HNRNPLL: variants seen among roughly 807,000 people sequenced by gnomAD.
HNRNPLL encodes heterogeneous nuclear ribonucleoprotein L like, also known as heterogeneous nuclear ribonucleoprotein L-like.
HNRNPLL carries 25 observed loss-of-function variants against 67.1 expected under a neutral mutation model. The ratio of observed to expected loss-of-function variants is 0.37; its 90% confidence interval spans 0.27 to 0.52. HNRNPLL has a LOEUF of 0.52. Ranked by LOEUF, HNRNPLL falls within the 20% of genes least tolerant of loss-of-function variation. The pLI, the probability that HNRNPLL is intolerant of heterozygous loss-of-function variation, is 0.90. For synonymous variants in HNRNPLL, 267 were observed against 241.7 expected (o/e 1.10, Z -0.97); for missense variants, 542 against 673.9 (o/e 0.80, Z 2.17).
chr2:38,567,269 A>G (rs1385528808), intron 12 of HNRNPLL, among the ~76,000 whole-genome samples: 1 of 151,270 alleles, frequency 6.6e-6, no homozygotes, highest in Non-Finnish European at 1.5e-5. Flanking sequence ...CGCCAGGTTA[A>G]TTTTTTTTTA....
intron 7 of HNRNPLL, 101 bp downstream of exon 7, chr2:38,577,360 A>G: frequency 2.6e-6 from 2 of 769,228 alleles, no homozygotes; most frequent in South Asian, 3.0e-5. Context: ...ACCGAGGCAG[A>G]TACGCAGGAA....
At position 38,579,000 on chromosome 2, in the gene HNRNPLL, T is replaced by C. The variant is rs1377254174; in HGVS notation, c.803-1468A>G. On this transcript the variant is annotated intron_variant, in intron 6 of 12. Transcript: ENST00000449105. ...TCACTCCTTTTGAGCCAATCTAGCC[T>C]ACTAATCCATTCTGTTAATGTTCCT... Among the ~76,000 whole-genome samples the C allele has an allele frequency of 2.0e-5, 3 of 152,250 alleles. No individual in the cohort carries two copies. The East Asian group carries it at 5.8e-4, about 29-fold the overall frequency.
chr2:38,572,773 T>A (rs2148344409), intron 8 of HNRNPLL, among the ~76,000 whole-genome samples: 1 of 152,090 alleles, frequency 6.6e-6, no homozygotes, highest in South Asian at 2.1e-4. Flanking sequence ...ACCCTGGCAT[T>A]TAGGAAGCAA....
chr2:38,583,982 G>T, intron 3 of HNRNPLL, 56 bp from the exon 4 acceptor site: 1 of 710,464 alleles, frequency 1.4e-6, no homozygotes, highest in Non-Finnish European at 2.3e-6. Flanking sequence ...AAACATTAAA[G>T]CTATACTTCG....
intron 1 of HNRNPLL, among the ~76,000 whole-genome samples, chr2:38,595,769 G>A (rs1279154610): frequency 2.0e-5 from 3 of 152,106 alleles, no homozygotes; most frequent in Admixed American, 6.5e-5. Flanking sequence ...GCGTGAACCC[G>A]GGAGGCAGAG....
At chr2:38,585,352 G>T (rs961828821) in intron 3 of HNRNPLL, among the ~76,000 whole-genome samples, 2 of 152,048 alleles carry the variant, frequency 1.3e-5, no homozygotes, top group Non-Finnish European at 2.9e-5. Flanking sequence ...GAGATTTTTT[G>T]AACGATTTCA....
chr2:38,571,378 G>C (rs1418278401), intron 8 of HNRNPLL, among the ~76,000 whole-genome samples: 1 of 152,164 alleles, frequency 6.6e-6, no homozygotes, highest in African/African-American at 2.4e-5. Context: ...CTGTGGATAA[G>C]GGAGGACTCC....
At position 38,602,425 on chromosome 2, in the gene HNRNPLL, C is replaced by T. The variant is rs1667481522; in HGVS notation, c.189+13G>A. ...AGCCAGGCACAGCGGACAGGGGGGCCGCGCTTTGTTACCGGCTGAGAGAAG... is the reference window on the plus strand; with the variant it reads ...AGCCAGGCACAGCGGACAGGGGGGCTGCGCTTTGTTACCGGCTGAGAGAAG... On this transcript the variant is annotated intron_variant, in intron 1 of 12. Coordinates refer to ENST00000449105, the MANE Select transcript of HNRNPLL (RefSeq NM_138394.4). 3 of 1,542,186 alleles carry T rather than the reference C, an allele frequency of 1.9e-6. No individual in the cohort carries two copies. Among genetic ancestry groups the T allele is most frequent in the African/African-American group, 2.7e-5 (2 of 72,908 alleles).
chr2:38,582,221 T>C, intron 4 of HNRNPLL, 53 bp from the exon 5 acceptor site: 1 of 1,147,446 alleles, frequency 8.7e-7, no homozygotes, highest in Non-Finnish European at 1.3e-6. Context: ...TAATCATTAT[T>C]CACTCCCAAA....
At chr2:38,565,727 C>CAAA (rs200356084) in intron 12 of HNRNPLL, among the ~76,000 whole-genome samples, 8 of 73,280 alleles carry the variant, frequency 1.1e-4, no homozygotes, top group Admixed American at 1.4e-4. Context: ...GACCCTGTCT[C>CAAA]AAAAAAAAAA....
chr2:38,585,001 C>A (rs1666668727), intron 3 of HNRNPLL, among the ~76,000 whole-genome samples: 1 of 151,958 alleles, frequency 6.6e-6, no homozygotes, highest in African/African-American at 2.4e-5. Context: ...AGTTTATGTC[C>A]CAATATCATA....
At chr2:38,599,576 T>C (rs1667343172) in intron 1 of HNRNPLL, among the ~76,000 whole-genome samples, 1 of 152,186 alleles carries the variant, frequency 6.6e-6, no homozygotes, top group South Asian at 2.1e-4. Flanking sequence ...TTTTTTGCTC[T>C]ATTAAAAAAA....
chr2:38,583,946 G>A lies in HNRNPLL; in HGVS notation c.547-20C>T. On this transcript the variant is annotated intron_variant, in intron 3 of 12. Transcript: ENST00000449105. ...AACATCCTATGAAGGAAAAGAAAAA[G>A]ATTTCTTCACACTTTACATCTGAAA... The A allele has an allele frequency of 8.7e-7, 1 of 1,143,836 alleles. No homozygotes were observed. Among genetic ancestry groups the A allele is most frequent in the Non-Finnish European group, 1.2e-6 (1 of 801,780 alleles). The allele number at this position is 1,143,836 out of a possible 1,614,324, so 70.9% of individuals were successfully genotyped here. A position where few individuals can be genotyped will look rare whatever the true frequency, so the allele number is the denominator to read the frequency against.
At chr2:38,601,277 C>G (rs565017214) in intron 1 of HNRNPLL, among the ~76,000 whole-genome samples, 10 of 152,294 alleles carry the variant, frequency 6.6e-5, no homozygotes, top group African/African-American at 2.4e-4. Context: ...CTGGAAACTG[C>G]AACGCTGGGT....
intron 1 of HNRNPLL, among the ~76,000 whole-genome samples, chr2:38,597,609 A>T (rs940857668): frequency 6.6e-6 from 1 of 152,214 alleles, no homozygotes; most frequent in African/African-American, 2.4e-5. Flanking sequence ...TAACTTTCCT[A>T]TCCAAAGTTT....
Position 38,602,795 on chromosome 2 carries a change from G to C in HNRNPLL, c.-169C>G. The stretch of plus-strand genomic sequence containing the variant: ...GCCAGGAGACTGGCGGCTGAGAAGC[G>C]CGGACGGACTGAGGGGGGCGCCCCG... On this transcript the variant is annotated 5_prime_UTR_variant, in exon 1 of 13. Transcript: ENST00000449105. 1 of 1,537,678 alleles carries C rather than the reference G, an allele frequency of 6.5e-7. No homozygotes were observed. The highest frequency in any genetic ancestry group is 8.8e-7 in the Non-Finnish European group (1 of 1,141,628).
intron 12 of HNRNPLL, chr2:38,566,203 A>T: frequency 2.8e-6 from 1 of 363,122 alleles, no homozygotes. Flanking sequence ...CCCCGTCTCT[A>T]ACAAAAATAC....
chr2:38,565,977 TC>T (rs1057139294), intron 12 of HNRNPLL: 2 of 922,588 alleles, frequency 2.2e-6, no homozygotes, highest in African/African-American at 3.6e-5. Flanking sequence ...TGTTTTTTTT[TC>T]TCTTTTTTAA....
chr2:38,571,090 T>C (rs943749619), intron 8 of HNRNPLL, among the ~76,000 whole-genome samples: 1 of 151,908 alleles, frequency 6.6e-6, no homozygotes, highest in African/African-American at 2.4e-5. Context: ...GAAAGATAAT[T>C]AGATAGATAG....
Sources: allele counts gnomAD v4.1 joint callset (sites outside exome capture counted in the v4.1 genomes callset), GRCh38; gene constraint gnomAD v4.1.1; transcripts MANE v1.5; gene names NCBI Gene and HGNC (gene_info 2026-07-23, HGNC 2026-07-21).